KCNAB1: variants seen among roughly 807,000 people sequenced by gnomAD.
KCNAB1 encodes the protein voltage-gated potassium channel subunit beta-1.
Under a neutral mutation model 64.6 loss-of-function variants are expected in KCNAB1, and 35 were observed. The ratio of observed to expected loss-of-function variants is 0.54; its 90% CI spans 0.41 to 0.72. The LOEUF (loss-of-function observed/expected upper bound fraction) is 0.72. Among genes scored for constraint, KCNAB1 ranks in the 30% least tolerant of loss-of-function variants. The pLI, the probability that KCNAB1 is intolerant of heterozygous loss-of-function variation, is 0.00. For missense variants in KCNAB1, 401 were observed against 512.9 expected (o/e 0.78, Z 2.11); for synonymous variants, 177 against 183.8 (o/e 0.96, Z 0.30).
At chr3:156,439,966 A>G (rs192985356) in intron 2 of KCNAB1, among the ~76,000 whole-genome samples, 248 of 152,388 alleles carry the variant, frequency 1.6e-3, no homozygotes, top group Non-Finnish European at 2.5e-3. Context: ...GGATTCATTT[A>G]GATTAACTTA....
intron 8 of KCNAB1, among the ~76,000 whole-genome samples, chr3:156,481,249 T>C (rs1344870133): frequency 6.6e-6 from 1 of 152,050 alleles, no homozygotes; most frequent in Non-Finnish European, 1.5e-5. Flanking sequence ...GATTATTTAA[T>C]GCATTTCATT....
intron 1 of KCNAB1, among the ~76,000 whole-genome samples, chr3:156,385,133 G>A (rs1473400305): frequency 6.6e-6 from 1 of 152,162 alleles, no homozygotes; most frequent in Non-Finnish European, 1.5e-5. Context: ...CAATGCCAAA[G>A]TGCCAGTCAG....
At chr3:156,258,760 G>A (rs1718251588) in intron 1 of KCNAB1, among the ~76,000 whole-genome samples, 2 of 152,160 alleles carry the variant, frequency 1.3e-5, no homozygotes, top group South Asian at 4.1e-4. Context: ...AAAGCCCCAA[G>A]CCAAAAACAT....
chr3:156,305,837 A>G (rs1241195962), intron 1 of KCNAB1, among the ~76,000 whole-genome samples: 2 of 152,212 alleles, frequency 1.3e-5, no homozygotes, highest in African/African-American at 4.8e-5. Flanking sequence ...TTTCCTGGTC[A>G]TTGTCTGGGT....
At chr3:156,162,276 G>A (rs1320295799) in intron 1 of KCNAB1, among the ~76,000 whole-genome samples, 1 of 151,828 alleles carries the variant, frequency 6.6e-6, no homozygotes, top group Non-Finnish European at 1.5e-5. Context: ...TTTTTAGCAA[G>A]GAAGACAGAG....
chr3:156,245,110 G>A (rs2108454491), intron 1 of KCNAB1, among the ~76,000 whole-genome samples: 1 of 152,252 alleles, frequency 6.6e-6, no homozygotes, highest in South Asian at 2.1e-4. Context: ...GTTGCTATCA[G>A]TTTCCAATGT....
intron 1 of KCNAB1, among the ~76,000 whole-genome samples, chr3:156,310,284 A>T (rs1213597765): frequency 1.3e-5 from 2 of 152,194 alleles, no homozygotes; most frequent in African/African-American, 4.8e-5. Context: ...ATGGAATGCC[A>T]TCTTGATAGT....
chr3:156,173,847 C>G (rs1376869972), intron 1 of KCNAB1, among the ~76,000 whole-genome samples: 1 of 152,130 alleles, frequency 6.6e-6, no homozygotes, highest in Non-Finnish European at 1.5e-5. Context: ...ATGTGAGTGG[C>G]CATCATCCAA....
At chr3:156,514,507 G>A in intron 9 of KCNAB1, 58 bp downstream of exon 9, 3 of 1,297,744 alleles carry the variant, frequency 2.3e-6, no homozygotes, top group South Asian at 2.4e-5. Context: ...CTTTTCAGAT[G>A]CCATGCATAA....
chr3:156,257,915 C>T (rs1401012118), intron 1 of KCNAB1, among the ~76,000 whole-genome samples: 1 of 152,164 alleles, frequency 6.6e-6, no homozygotes, highest in Non-Finnish European at 1.5e-5. Context: ...AGAATAACAA[C>T]AGAATAGGAA....
chr3:156,246,999 G>C (rs1454432973), intron 1 of KCNAB1, among the ~76,000 whole-genome samples: 1 of 152,148 alleles, frequency 6.6e-6, no homozygotes, highest in Non-Finnish European at 1.5e-5. Flanking sequence ...CAATGCATAA[G>C]AAACCATTCC....
At chr3:156,264,713 C>T (rs1235649587) in intron 1 of KCNAB1, among the ~76,000 whole-genome samples, 1 of 152,022 alleles carries the variant, frequency 6.6e-6, no homozygotes, top group African/African-American at 2.4e-5. Flanking sequence ...CACATACATA[C>T]ACATGTATAT....
Position 156,536,871 on chromosome 3 carries a change from C to T in KCNAB1, c.*124C>T. ...TGCTGCTCAACCTCTAGTGTCCCTCCCTGGATTCTTTGAGGTGTCTGCTGT... is the reference window on the plus strand; with the variant it reads ...TGCTGCTCAACCTCTAGTGTCCCTCTCTGGATTCTTTGAGGTGTCTGCTGT... On this transcript the variant is annotated 3_prime_UTR_variant, in exon 14 of 14. Transcript: ENST00000490337. 1 of 687,738 alleles carries T rather than the reference C, an allele frequency of 1.5e-6. No individual in the cohort carries two copies. The highest frequency in any genetic ancestry group is 2.6e-6 in the Non-Finnish European group (1 of 389,050). 42.6% of individuals were successfully genotyped at this position (687,738 alleles called of 1,614,324 possible). A position where few individuals can be genotyped will look rare whatever the true frequency, so the allele number is the denominator to read the frequency against.
chr3:156,155,814 ATGGTCG>A (rs567568881), intron 1 of KCNAB1, among the ~76,000 whole-genome samples: 6 of 152,344 alleles, frequency 3.9e-5, no homozygotes, highest in Admixed American at 3.9e-4. Flanking sequence ...CATTATGCTC[ATGGTCG>A]TGGTTTATTA....
chr3:156,356,388 AT>A (rs112842962), intron 1 of KCNAB1, among the ~76,000 whole-genome samples: 18,424 of 149,406 alleles, frequency 0.12, 2,982 homozygotes, highest in African/African-American at 0.38. Context: ...TTCTGTTTTC[AT>A]TTTTTTTTTC....
intron 1 of KCNAB1, among the ~76,000 whole-genome samples, chr3:156,356,603 G>A (rs745335460): frequency 1.3e-5 from 2 of 152,198 alleles, no homozygotes; most frequent in East Asian, 3.9e-4. Flanking sequence ...TAGAAATTAA[G>A]CAACTTTTGA....
chr3:156,121,313 G>C (rs765633800), intron 1 of KCNAB1, among the ~76,000 whole-genome samples: 17 of 152,184 alleles, frequency 1.1e-4, no homozygotes, highest in Non-Finnish European at 2.4e-4. Flanking sequence ...AAGTGGAGTT[G>C]AGTAGTGTGA....
intron 1 of KCNAB1, among the ~76,000 whole-genome samples, chr3:156,413,181 G>A (rs561644411): frequency 6.6e-6 from 1 of 152,208 alleles, no homozygotes; most frequent in Non-Finnish European, 1.5e-5. Flanking sequence ...AAGGGTCTGA[G>A]TGGGGATAGA....
intron 8 of KCNAB1, among the ~76,000 whole-genome samples, chr3:156,505,151 T>C (rs1716750530): frequency 1.3e-5 from 2 of 152,196 alleles, no homozygotes; most frequent in African/African-American, 2.4e-5. Context: ...CCCAGAACTA[T>C]TTATTGAAGA....
Sources: allele counts gnomAD v4.1 joint callset (sites outside exome capture counted in the v4.1 genomes callset), GRCh38; gene constraint gnomAD v4.1.1; transcripts MANE v1.5; gene names NCBI Gene and HGNC (gene_info 2026-07-23, HGNC 2026-07-21).